The following GRK4 variants were observed in gnomAD, a reference collection of about 807,000 sequenced individuals.
GRK4 encodes the protein G protein-coupled receptor kinase 2-like.
GRK4 carries 73 observed loss-of-function variants against 77.9 expected under a neutral mutation model. The observed-to-expected ratio is 0.94, with a 90% confidence interval of 0.78 to 1.14. GRK4 has a LOEUF of 1.14. Ranked by LOEUF, GRK4 falls within the 50% of genes most tolerant of loss-of-function variation. The pLI is 0.00. For synonymous variants in GRK4, 257 were observed against 254.4 expected, an observed-to-expected ratio of 1.01 and a Z score of -0.10; for missense variants, 729 against 700.2, an observed-to-expected ratio of 1.04 and a Z score of -0.46.
chr4:2,998,788 A>G (rs60003208), intron 4 of GRK4, among the ~76,000 whole-genome samples: 6,854 of 152,264 alleles, frequency 0.045, 223 homozygotes, highest in African/African-American at 0.092. Flanking sequence ...GTACTCCCCA[A>G]ATTGATCTAT....
intron 4 of GRK4, among the ~76,000 whole-genome samples, chr4:2,995,939 G>A (rs1193411621): frequency 6.6e-6 from 1 of 152,174 alleles, no homozygotes; most frequent in African/African-American, 2.4e-5. Flanking sequence ...TGGCATTTAT[G>A]GATACTTGGC....
rs1735273009 is a variant in GRK4 at position 3,018,863 on chromosome 4, A to C, written c.742-778A>C. Among the ~76,000 whole-genome samples the C allele has an allele frequency of 3.9e-5, 6 of 152,198 alleles. No individual in the cohort carries two copies. In the South Asian group the frequency reaches 1.2e-3, roughly 31 times the overall value. On this transcript the variant is annotated intron_variant, in intron 8 of 15. Transcript: ENST00000398052. The stretch of plus-strand genomic sequence containing the variant: ...CACTGCACTCCAGCCTGGGCGACAG[A>C]GCAAGACTGTGTCTCAAAAAAATAA...
intron 12 of GRK4, among the ~76,000 whole-genome samples, chr4:3,034,158 A>G (rs538854793): frequency 6.6e-6 from 1 of 152,174 alleles, no homozygotes; most frequent in Non-Finnish European, 1.5e-5. Context: ...TAGTGCAGGT[A>G]TGGGGGCCAG....
chr4:2,990,330 C>A (rs1244700169), intron 3 of GRK4, among the ~76,000 whole-genome samples: 1 of 142,456 alleles, frequency 7.0e-6, no homozygotes, highest in Non-Finnish European at 1.5e-5. Flanking sequence ...GATCCCAGCT[C>A]ACTGCAACCT....
At chr4:3,019,026 T>G (rs1008542955) in intron 8 of GRK4, among the ~76,000 whole-genome samples, 1 of 151,780 alleles carries the variant, frequency 6.6e-6, no homozygotes, top group East Asian at 1.9e-4. Flanking sequence ...CCCAGCAGGG[T>G]GTGTGTGTAT....
intron 13 of GRK4, among the ~76,000 whole-genome samples, chr4:3,035,758 A>G (rs978771116): frequency 9.2e-5 from 14 of 151,364 alleles, no homozygotes; most frequent in African/African-American, 3.2e-4. Flanking sequence ...GTTTTTTATT[A>G]CAACAGATAC....
At chr4:3,026,276 G>A (rs966659821) in intron 10 of GRK4, among the ~76,000 whole-genome samples, 3 of 152,138 alleles carry the variant, frequency 2.0e-5, no homozygotes, top group Non-Finnish European at 2.9e-5. Context: ...CCGAGTTCTC[G>A]AACTTTGGAG....
chr4:3,002,317 A>G (rs1026905278), intron 4 of GRK4, among the ~76,000 whole-genome samples: 1 of 151,956 alleles, frequency 6.6e-6, no homozygotes, highest in Non-Finnish European at 1.5e-5. Flanking sequence ...TAAACACTGG[A>G]CCCAGGCTGG....
At chr4:2,987,294 A>G (rs942585399) in intron 2 of GRK4, 6 of 333,654 alleles carry the variant, frequency 1.8e-5, no homozygotes, top group Admixed American at 1.3e-4. Flanking sequence ...GGTGAATAAT[A>G]TTCCATTATA....
intron 4 of GRK4, among the ~76,000 whole-genome samples, chr4:3,000,928 C>T (rs1004325526): frequency 4.6e-5 from 7 of 151,724 alleles, no homozygotes; most frequent in Non-Finnish European, 1.0e-4. Context: ...GACAGCCTTG[C>T]TGCATAGAAA....
Position 3,019,708 on chromosome 4 carries a change from G to A in GRK4, c.809G>A (p.Gly270Glu), listed in dbSNP as rs1735540823. The A allele has an allele frequency of 6.2e-7, 1 of 1,614,226 alleles. No homozygotes were observed. The highest frequency in any genetic ancestry group is 8.5e-7 in the Non-Finnish European group (1 of 1,180,038). Residue 270 changes from glycine to glutamate, a missense_variant, in exon 9 of 16, where the codon GGG (glycine) becomes GAG (glutamate). Physicochemically the swap from Gly to Glu is moderately conservative, Grantham distance 98. Transcript: ENST00000398052. ...LCLVLTIMNG[G>E]DLKFHIYNLG... The stretch of plus-strand genomic sequence containing the variant: ...TTGGTGCTCACCATTATGAATGGAG[G>A]GGATTTGAAGTTTCACATTTACAAC...
rs1455332774 is a variant in GRK4, at chr4:3,029,385, G to C, written c.1245G>C (p.Glu415Asp). 6.2e-7 allele frequency: 1 copy of C among 1,613,870 alleles called. No individual in the cohort carries two copies. The change falls in exon 12 of 16, where the codon GAG becomes GAC. Residue 415 changes from glutamate (E) to aspartate (D), a missense_variant. Glu to Asp is a conservative substitution (Grantham distance 45, BLOSUM62 2). Coordinates refer to ENST00000398052, the MANE Select transcript of GRK4 (RefSeq NM_182982.3). ...AGGAGTATTCTGAGAAGTTTTCAGA[G>C]GATGCCAAATCTATCTGCAGGATGG... Reference protein sequence around the residue: ...DTEEYSEKFSEDAKSICRMLL... With the variant: ...DTEEYSEKFSDDAKSICRMLL...
chr4:2,984,394 T>C (rs1578044818), intron 1 of GRK4, 119 bp from the exon 2 acceptor site: 2 of 516,970 alleles, frequency 3.9e-6, no homozygotes, highest in East Asian at 6.4e-5. Flanking sequence ...TGTATTTTTA[T>C]TCATGATAGG....
At chr4:2,968,929 G>C (rs1006886652) in intron 1 of GRK4, among the ~76,000 whole-genome samples, 7 of 152,118 alleles carry the variant, frequency 4.6e-5, no homozygotes, top group Non-Finnish European at 8.8e-5. Flanking sequence ...CTTGGCTCTG[G>C]CCCCCTTCCT....
intron 1 of GRK4, among the ~76,000 whole-genome samples, chr4:2,967,702 A>G (rs1718174596): frequency 6.9e-6 from 1 of 145,528 alleles, no homozygotes; most frequent in Admixed American, 6.8e-5. Context: ...CCCGGCCCGT[A>G]TTGGGTTTTT....
At chr4:2,995,465 T>TGGC (rs978724687) in intron 4 of GRK4, among the ~76,000 whole-genome samples, 2 of 146,914 alleles carry the variant, frequency 1.4e-5, no homozygotes, top group African/African-American at 2.5e-5. Context: ...GGTTAGGAGT[T>TGGC]CGAGACCAGC....
In GRK4 at chr4:3,011,464, G is replaced by A. The variant is rs539129641; in HGVS notation, c.600+1753G>A. Among the ~76,000 whole-genome samples, 3 of 152,260 alleles carry A rather than the reference G, an allele frequency of 2.0e-5. No individual in the cohort carries two copies. The East Asian group carries it at 5.8e-4, about 29-fold the overall frequency. Reference sequence around the variant, plus strand: ...ATACATTAAAAAAGAAGATAAGAAAGACTCAGTATAATTATGATTGTATAG... The same window carrying A: ...ATACATTAAAAAAGAAGATAAGAAAAACTCAGTATAATTATGATTGTATAG... On this transcript the variant is annotated intron_variant, in intron 7 of 15. Transcript: ENST00000398052.
In GRK4 at chr4:2,992,285, A is replaced by G. The variant is rs375677413; in HGVS notation, c.332A>G (p.Asn111Ser). 8.1e-6 allele frequency: 13 copies of G among 1,595,856 alleles called. No homozygotes were observed. The African/African-American group carries it at 1.6e-4, about 20-fold the overall frequency. ...CGLSILDRFF[N>S]DKLAAPLPEI... ...CTGTCAATCTTAGATAGATTCTTCA[A>G]TGATAAGGTGTGTTTTCTTCTTTAG... is the stretch of plus-strand genomic sequence containing the variant. The change falls in exon 4 of 16, where the codon AAT (asparagine) becomes AGT (serine). Residue 111 changes from asparagine to serine, a missense_variant. Coordinates refer to ENST00000398052, the MANE Select transcript of GRK4 (RefSeq NM_182982.3).
At chr4:2,967,097 A>G (rs935802056) in intron 1 of GRK4, among the ~76,000 whole-genome samples, 16 of 152,216 alleles carry the variant, frequency 1.1e-4, no homozygotes, top group African/African-American at 3.9e-4. Flanking sequence ...TCTACCATGG[A>G]CACAGAAAGA....
Sources: allele counts gnomAD v4.1 joint callset (sites outside exome capture counted in the v4.1 genomes callset), GRCh38; gene constraint gnomAD v4.1.1; transcripts MANE v1.5; gene names NCBI Gene and HGNC (gene_info 2026-07-23, HGNC 2026-07-21).